The following ADARB2 variants were observed in gnomAD, a reference collection of about 807,000 sequenced individuals.
ADARB2 encodes the protein inactive double-stranded RNA-specific editase B2.
ADARB2 carries 25 observed loss-of-function variants against 62.2 expected under a neutral mutation model. The observed-to-expected ratio is 0.40, with a 90% CI of 0.29 to 0.56. The LOEUF is 0.56. ADARB2 is among the 20% of genes least tolerant of loss of function. ADARB2 has a pLI of 0.43. For missense variants in ADARB2, 1,071 were observed against 1,077.4 expected, an observed-to-expected ratio of 0.99 and a Z score of 0.08; for synonymous variants, 572 against 500.8, an observed-to-expected ratio of 1.14 and a Z score of -1.90.
chr10:1,431,728 AAG>A (rs1830779124), intron 1 of ADARB2, among the ~76,000 whole-genome samples: 1 of 152,216 alleles, frequency 6.6e-6, no homozygotes, highest in Non-Finnish European at 1.5e-5. Context: ...AAGATACACA[AAG>A]AGAGAAATAC....
chr10:1,566,284 C>T (rs1016216904), intron 1 of ADARB2, among the ~76,000 whole-genome samples: 1 of 152,140 alleles, frequency 6.6e-6, no homozygotes, highest in East Asian at 1.9e-4. Flanking sequence ...GTAATTTCTG[C>T]TAGCACCCCT....
intron 1 of ADARB2, among the ~76,000 whole-genome samples, chr10:1,669,913 T>C (rs1382846725): frequency 7.1e-6 from 1 of 140,690 alleles, no homozygotes; most frequent in East Asian, 2.2e-4. Flanking sequence ...GACACACCCA[T>C]AGAGAGATGC....
chr10:1,563,021 G>A (rs908698813), intron 1 of ADARB2, among the ~76,000 whole-genome samples: 3 of 152,104 alleles, frequency 2.0e-5, no homozygotes, highest in Non-Finnish European at 2.9e-5. Context: ...TGGTGAGAAC[G>A]TCATTCACTT....
At chr10:1,260,515 A>G (rs1354731904) in intron 4 of ADARB2, among the ~76,000 whole-genome samples, 1 of 151,828 alleles carries the variant, frequency 6.6e-6, no homozygotes, top group East Asian at 1.9e-4. Context: ...ATAACAGACG[A>G]ACAGAGAGCC....
At chr10:1,388,087 GATAA>G (rs1832539241) in intron 1 of ADARB2, among the ~76,000 whole-genome samples, 1 of 151,866 alleles carries the variant, frequency 6.6e-6, no homozygotes, top group Non-Finnish European at 1.5e-5. Flanking sequence ...ATAAGTTAAA[GATAA>G]ATAAATAGAA....
intron 1 of ADARB2, among the ~76,000 whole-genome samples, chr10:1,682,929 T>A (rs1834556297): frequency 6.6e-6 from 1 of 152,232 alleles, no homozygotes; most frequent in Admixed American, 6.5e-5. Context: ...CAACACCTGA[T>A]ACAGCTCTTT....
At chr10:1,686,614 G>A (rs1215780786) in intron 1 of ADARB2, among the ~76,000 whole-genome samples, 3 of 152,098 alleles carry the variant, frequency 2.0e-5, no homozygotes, top group Admixed American at 1.3e-4. Flanking sequence ...CTGGGCTTCC[G>A]GCACACAATT....
chr10:1,520,536 T>C (rs956309049), intron 1 of ADARB2, among the ~76,000 whole-genome samples: 2 of 152,232 alleles, frequency 1.3e-5, no homozygotes, highest in African/African-American at 4.8e-5. Flanking sequence ...TGACATCTGA[T>C]GATAACTAAA....
At chr10:1,344,129 A>G (rs1209420021) in intron 3 of ADARB2, among the ~76,000 whole-genome samples, 1 of 152,196 alleles carries the variant, frequency 6.6e-6, no homozygotes, top group East Asian at 1.9e-4. Flanking sequence ...GTCCTCACCC[A>G]AGCCACCTGC....
chr10:1,218,540 C>A (rs146938459), intron 6 of ADARB2, among the ~76,000 whole-genome samples: 109 of 152,292 alleles, frequency 7.2e-4, no homozygotes, highest in Middle Eastern at 3.4e-3. Context: ...GCAATTTCCC[C>A]CTCACTTTCC....
intron 4 of ADARB2, among the ~76,000 whole-genome samples, chr10:1,265,288 C>T (rs1338386489): frequency 6.6e-6 from 1 of 152,240 alleles, no homozygotes; most frequent in African/African-American, 2.4e-5. Context: ...TATAAATCTG[C>T]ATATTAAATG....
chr10:1,630,433 A>G (rs1254912724), intron 1 of ADARB2, among the ~76,000 whole-genome samples: 2 of 152,070 alleles, frequency 1.3e-5, no homozygotes, highest in Non-Finnish European at 1.5e-5. Flanking sequence ...GAGGGGGCGG[A>G]GGAAAGTGGC....
intron 6 of ADARB2, among the ~76,000 whole-genome samples, chr10:1,231,686 T>C (rs1367786069): frequency 6.6e-6 from 1 of 152,176 alleles, no homozygotes; most frequent in African/African-American, 2.4e-5. Flanking sequence ...CTCATTTAAT[T>C]TCCAAAGGGT....
intron 3 of ADARB2, among the ~76,000 whole-genome samples, chr10:1,293,247 G>GA (rs1831492226): frequency 4.1e-5 from 5 of 122,282 alleles, no homozygotes; most frequent in African/African-American, 1.6e-4. Flanking sequence ...AGAGGGACGG[G>GA]GGGAGAGGGA....
At chr10:1,203,210 G>C (rs1837010211) in intron 7 of ADARB2, among the ~76,000 whole-genome samples, 1 of 152,116 alleles carries the variant, frequency 6.6e-6, no homozygotes. Context: ...TTGTCTCTTT[G>C]TCAGTCATTG....
chr10:1,263,120 G>A (rs926990290), intron 4 of ADARB2, among the ~76,000 whole-genome samples: 86 of 135,034 alleles, frequency 6.4e-4, no homozygotes, highest in African/African-American at 2.1e-3. Flanking sequence ...ATCACACACC[G>A]GGGCCTGTTG....
chr10:1,607,574 C>G (rs998384912), intron 1 of ADARB2, among the ~76,000 whole-genome samples: 1 of 152,064 alleles, frequency 6.6e-6, no homozygotes, highest in African/African-American at 2.4e-5. Context: ...CACCTGCAGA[C>G]ATGGAGGGAC....
At chr10:1,719,556 A>G (rs1434117445) in intron 1 of ADARB2, among the ~76,000 whole-genome samples, 5 of 152,252 alleles carry the variant, frequency 3.3e-5, no homozygotes, top group Non-Finnish European at 7.3e-5. Context: ...AATGGGACCT[A>G]ATTAAACTAA....
intron 2 of ADARB2, 117 bp from the exon 3 acceptor site, chr10:1,364,034 C>G: frequency 7.5e-7 from 1 of 1,331,426 alleles, no homozygotes; most frequent in Non-Finnish European, 9.7e-7. Context: ...GCCCCCAGGT[C>G]AGGCCTGAGA....
Sources: gnomAD v4.1 joint callset for allele counts (sites outside exome capture counted in the v4.1 genomes callset) on GRCh38, gnomAD v4.1.1 for gene constraint, MANE v1.5 for transcripts, NCBI Gene and HGNC (gene_info 2026-07-23, HGNC 2026-07-21) for gene names.